Variants in NSMAF observed in about 807,000 individuals in gnomAD.
The protein encoded by NSMAF is neutral sphingomyelinase activation associated factor.
In NSMAF, 90 loss-of-function variants were observed where a neutral mutation model predicts 134.9. The ratio of observed to expected loss-of-function variants is 0.67; its 90% CI spans 0.56 to 0.79. NSMAF has a LOEUF of 0.79. NSMAF is among the 30% of genes least tolerant of loss of function. NSMAF has a pLI of 0.00. For missense variants in NSMAF, 1,010 were observed against 1,119.0 expected (o/e 0.90, Z 1.39); for synonymous variants, 358 against 389.6 (o/e 0.92, Z 0.96).
intron 1 of NSMAF, among the ~76,000 whole-genome samples, chr8:58,645,108 A>G (rs1426484868): frequency 6.7e-6 from 1 of 149,870 alleles, no homozygotes; most frequent in East Asian, 1.9e-4. Context: ...AACTTAAAGT[A>G]TAATTAAAAA....
At chr8:58,625,064 T>G (rs569007293) in intron 6 of NSMAF, among the ~76,000 whole-genome samples, 1 of 152,182 alleles carries the variant, frequency 6.6e-6, no homozygotes, top group Non-Finnish European at 1.5e-5. Flanking sequence ...GCATTTGAAT[T>G]AGGAGACTGA....
At chr8:58,612,474 T>C (rs1806551679) in intron 9 of NSMAF, among the ~76,000 whole-genome samples, 1 of 152,224 alleles carries the variant, frequency 6.6e-6, no homozygotes, top group South Asian at 2.1e-4. Flanking sequence ...CCCTTTATCA[T>C]GTCCTTTATT....
At chr8:58,620,068 A>G (rs1806749585) in intron 9 of NSMAF, among the ~76,000 whole-genome samples, 1 of 152,246 alleles carries the variant, frequency 6.6e-6, no homozygotes, top group South Asian at 2.1e-4. Flanking sequence ...AGAGAATGGG[A>G]TAATACAGAA....
At chr8:58,586,715 T>G in intron 27 of NSMAF, 107 bp from the exon 28 acceptor site, 9 of 827,444 alleles carry the variant, frequency 1.1e-5, no homozygotes, top group Non-Finnish European at 1.7e-5. Context: ...AATTAAACTC[T>G]ATTGTGCAGT....
intron 1 of NSMAF, among the ~76,000 whole-genome samples, chr8:58,645,316 G>C (rs1230343556): frequency 3.9e-5 from 6 of 152,100 alleles, no homozygotes; most frequent in African/African-American, 1.4e-4. Context: ...GCACAGTGGA[G>C]AGCAGGATTG....
At chr8:58,590,175 C>T (rs991064638) in intron 24 of NSMAF, 101 bp from the exon 25 acceptor site, 3 of 983,218 alleles carry the variant, frequency 3.1e-6, no homozygotes, top group African/African-American at 1.6e-5. Context: ...ATGCTCAAAT[C>T]GTCTTTATGT....
chr8:58,655,831 C>T (rs1157368565), intron 1 of NSMAF, among the ~76,000 whole-genome samples: 2 of 151,466 alleles, frequency 1.3e-5, no homozygotes. Context: ...GGCGTGAACC[C>T]GGGAGGCGGA....
rs1003401937 is a variant in NSMAF, at chr8:58,584,069, TAG to T, written c.*35_*36del. The T allele has an allele frequency of 6.8e-7, 1 of 1,468,308 alleles. No homozygotes were observed. 91.0% of individuals were successfully genotyped at this position (1,468,308 alleles called of 1,614,324 possible). A position where few individuals can be genotyped will look rare whatever the true frequency, so the allele number is the denominator to read the frequency against. Reference sequence around the variant, plus strand: ...AAGTTTGGTTTAAAAATGCATTAAATAGAGTTCAATTTAATATTCAGGAGAGG... The same window carrying T: ...AAGTTTGGTTTAAAAATGCATTAAATAGTTCAATTTAATATTCAGGAGAGG... On this transcript the variant is annotated 3_prime_UTR_variant, in exon 31 of 31. Coordinates refer to ENST00000038176, the MANE Select transcript of NSMAF (RefSeq NM_003580.4).
intron 2 of NSMAF, among the ~76,000 whole-genome samples, chr8:58,641,867 T>C (rs868075536): frequency 3.3e-5 from 5 of 152,192 alleles, no homozygotes; most frequent in Admixed American, 6.5e-5. Context: ...TACTTTAAAA[T>C]TATAAAAACA....
At chr8:58,615,338 C>T (rs951231210) in intron 9 of NSMAF, among the ~76,000 whole-genome samples, 2 of 152,092 alleles carry the variant, frequency 1.3e-5, no homozygotes, top group African/African-American at 2.4e-5. Context: ...CAGTTGGACC[C>T]ATACGGCACT....
At chr8:58,603,623 T>C (rs549613110) in intron 12 of NSMAF, among the ~76,000 whole-genome samples, 17 of 152,276 alleles carry the variant, frequency 1.1e-4, no homozygotes, top group Non-Finnish European at 1.8e-4. Flanking sequence ...CCCTCCACAA[T>C]ATGACATAAC....
At chr8:58,623,295 A>AAAGTATTTAT (rs758905720) in intron 8 of NSMAF, 23 bp from the exon 9 acceptor site, 1 of 1,583,948 alleles carries the variant, frequency 6.3e-7, no homozygotes, top group African/African-American at 1.4e-5. Context: ...AACCAGAAAA[A>AAAGTATTTAT]AAGTATTTAT....
At chr8:58,659,227 G>A (rs879517457) in intron 1 of NSMAF, 2 of 1,480,300 alleles carry the variant, frequency 1.4e-6, no homozygotes, top group South Asian at 1.3e-5. Context: ...TCGCGTGCCG[G>A]GATCCACGCC....
Position 58,597,499 on chromosome 8 carries a change from A to C in NSMAF, c.1680T>G (p.Phe560Leu). The change falls in exon 21 of 31, where the codon TTT becomes TTG. Residue 560 changes from phenylalanine (F) to leucine (L), a missense_variant. By Grantham distance (22) the Phe-to-Leu change is conservative (BLOSUM62 0). Coordinates refer to ENST00000038176, the MANE Select transcript of NSMAF (RefSeq NM_003580.4). ...KVAMLTQILE[F>L]GQTPKQLFVT... Reference sequence around the variant, plus strand: ...CAAATAGTTGTTTTGGTGTCTGCCCAAATTCCAAGATTTGCGTAAGCATGG... The same window carrying C: ...CAAATAGTTGTTTTGGTGTCTGCCCCAATTCCAAGATTTGCGTAAGCATGG... 1 of 1,614,234 alleles carries C rather than the reference A, an allele frequency of 6.2e-7. No individual in the cohort carries two copies. The highest frequency in any genetic ancestry group is 8.5e-7 in the Non-Finnish European group (1 of 1,180,034).
chr8:58,631,421 T>C, intron 6 of NSMAF, 75 bp downstream of exon 6: 1 of 818,974 alleles, frequency 1.2e-6, no homozygotes, highest in East Asian at 3.0e-5. Context: ...ATTAAAGATG[T>C]TAATAGAGTC....
chr8:58,648,885 C>T (rs1425617561), intron 1 of NSMAF, among the ~76,000 whole-genome samples: 1 of 152,248 alleles, frequency 6.6e-6, no homozygotes, highest in Non-Finnish European at 1.5e-5. Flanking sequence ...GGGGCCCATA[C>T]AGAGAACGTC....
chr8:58,597,593 G>T (rs374965294), intron 20 of NSMAF, 43 bp from the exon 21 acceptor site: 4 of 1,584,500 alleles, frequency 2.5e-6, no homozygotes, highest in African/African-American at 2.7e-5. Context: ...CACTAGGTTC[G>T]AGTTCCTTGA....
intron 19 of NSMAF, 122 bp from the exon 20 acceptor site, chr8:58,598,024 C>T (rs907704893): frequency 7.8e-5 from 55 of 707,510 alleles, no homozygotes; most frequent in Non-Finnish European, 1.4e-4. Context: ...ATTCACTTTG[C>T]AAAACAGACT....
intron 18 of NSMAF, 132 bp from the exon 19 acceptor site, chr8:58,599,495 T>C (rs1806224296): frequency 9.0e-7 from 1 of 1,115,426 alleles, no homozygotes; most frequent in Non-Finnish European, 1.2e-6. Flanking sequence ...AGTTTTCTTT[T>C]TCTATCATAT....
Sources: gnomAD v4.1 joint callset for allele counts (sites outside exome capture counted in the v4.1 genomes callset) on GRCh38, gnomAD v4.1.1 for gene constraint, MANE v1.5 for transcripts, NCBI Gene and HGNC (gene_info 2026-07-23, HGNC 2026-07-21) for gene names.